HSD17B3: variants seen among roughly 807,000 people sequenced by gnomAD.
HSD17B3 encodes the protein hydroxysteroid 17-beta dehydrogenase 3.
Under a neutral mutation model 41.1 loss-of-function variants are expected in HSD17B3, and 29 were observed. That is an observed-to-expected ratio of 0.71 (90% confidence interval 0.53 to 0.96). HSD17B3 has a LOEUF of 0.96. Ranked by LOEUF, HSD17B3 falls within the 40% of genes least tolerant of loss-of-function variation. HSD17B3 has a pLI of 0.00. For missense variants in HSD17B3, 323 were observed against 374.6 expected (o/e 0.86, Z 1.14); for synonymous variants, 126 against 145.6 (o/e 0.87, Z 0.97).
chr9:96,261,590 G>C (rs1825863173), intron 2 of HSD17B3, among the ~76,000 whole-genome samples: 1 of 152,208 alleles, frequency 6.6e-6, no homozygotes, highest in African/African-American at 2.4e-5. Context: ...TGCAGGGTGG[G>C]GTGCATTCGC....
intron 2 of HSD17B3, among the ~76,000 whole-genome samples, chr9:96,275,005 A>G (rs1826394274): frequency 6.6e-6 from 1 of 152,158 alleles, no homozygotes; most frequent in Non-Finnish European, 1.5e-5. Context: ...GCAGCAAGAG[A>G]AAAGTTGGAA....
intron 2 of HSD17B3, among the ~76,000 whole-genome samples, chr9:96,297,931 T>A (rs961545602): frequency 2.0e-5 from 3 of 152,206 alleles, no homozygotes; most frequent in African/African-American, 4.8e-5. Flanking sequence ...AAATACTAAT[T>A]GTATTCTAGT....
chr9:96,286,239 G>A (rs1444295832), intron 2 of HSD17B3, among the ~76,000 whole-genome samples: 1 of 152,148 alleles, frequency 6.6e-6, no homozygotes, highest in Non-Finnish European at 1.5e-5. Flanking sequence ...AGCTACTCAG[G>A]AGGTTGAGGC....
At chr9:96,292,559 G>A (rs1476166802) in intron 2 of HSD17B3, among the ~76,000 whole-genome samples, 1 of 151,944 alleles carries the variant, frequency 6.6e-6, no homozygotes, top group Non-Finnish European at 1.5e-5. Flanking sequence ...TGTTGGCCAG[G>A]GTGGTCTTGA....
rs8190545 is a variant in HSD17B3 at position 96,250,610 on chromosome 9, G to C, written c.453+808C>G. On this transcript the variant is annotated intron_variant, in intron 5 of 10. Coordinates refer to ENST00000375263, the MANE Select transcript of HSD17B3 (RefSeq NM_000197.2). ...CTTCAAAAACTGTTAAATGCGGCCG[G>C]GCGCAGTGGTTCACGCCTGTCATCC... 1.3e-3 allele frequency: 480 copies of C among 371,774 alleles called. 1 individual carries two copies. Among genetic ancestry groups the C allele is most frequent in the African/African-American group, 9.7e-3 (448 of 46,136 alleles). The allele number at this position is 371,774 out of a possible 1,614,324, so 23.0% of individuals were successfully genotyped here. A position where few individuals can be genotyped will look rare whatever the true frequency, so the allele number is the denominator to read the frequency against.
Position 96,250,609 on chromosome 9 carries a change from G to A in HSD17B3, c.453+809C>T, listed in dbSNP as rs142420642. 17 of 368,794 alleles carry A rather than the reference G, an allele frequency of 4.6e-5. No homozygotes were observed. In the East Asian group the frequency reaches 1.0e-3, roughly 22 times the overall value. 22.8% of individuals were successfully genotyped at this position (368,794 alleles called of 1,614,324 possible). On this transcript the variant is annotated intron_variant, in intron 5 of 10. Transcript: ENST00000375263. ...CCTTCAAAAACTGTTAAATGCGGCC[G>A]GGCGCAGTGGTTCACGCCTGTCATC...
intron 2 of HSD17B3, among the ~76,000 whole-genome samples, chr9:96,256,911 T>C (rs1334219872): frequency 2.0e-5 from 3 of 151,992 alleles, no homozygotes; most frequent in Non-Finnish European, 2.9e-5. Context: ...GATTGGATCG[T>C]GGGGGCCATT....
intron 2 of HSD17B3, among the ~76,000 whole-genome samples, chr9:96,278,555 T>G (rs1826562531): frequency 6.6e-6 from 1 of 151,946 alleles, no homozygotes; most frequent in South Asian, 2.1e-4. Flanking sequence ...GCGTGGGGCT[T>G]GAGTGGGGCC....
In HSD17B3 at chr9:96,235,434, GTTGTGCTGGACTCC is replaced by G. The variant is rs1836195041; in HGVS notation, c.*12_*25del. 1.3e-6 allele frequency: 2 copies of G among 1,515,294 alleles called. No individual in the cohort carries two copies. The highest frequency in any genetic ancestry group is 4.5e-5 in the East Asian group (2 of 44,190). 93.9% of individuals were successfully genotyped at this position (1,515,294 alleles called of 1,614,324 possible). A position where few individuals can be genotyped will look rare whatever the true frequency, so the allele number is the denominator to read the frequency against. On this transcript the variant is annotated 3_prime_UTR_variant, in exon 11 of 11. Transcript: ENST00000375263. ...CCAGCATGGGACTGGTGAGGAAAAGGTTGTGCTGGACTCCTCACCGCCTGGCTACCTGACCTTGG... is the reference window on the plus strand; with the variant it reads ...CCAGCATGGGACTGGTGAGGAAAAGGTCACCGCCTGGCTACCTGACCTTGG...
chr9:96,256,220 A>C (rs556473989), intron 2 of HSD17B3: 1 of 152,378 alleles, frequency 6.6e-6, no homozygotes, highest in South Asian at 2.1e-4. Flanking sequence ...CTTAACAAAA[A>C]TGTGGAATAC....
chr9:96,237,236 A>G (rs1289971361), intron 10 of HSD17B3, among the ~76,000 whole-genome samples: 4 of 152,184 alleles, frequency 2.6e-5, no homozygotes, highest in Non-Finnish European at 5.9e-5. Context: ...GCCCCCTTTA[A>G]AAAGTCCTAA....
intron 2 of HSD17B3, among the ~76,000 whole-genome samples, chr9:96,287,957 T>C (rs910474733): frequency 7.9e-5 from 12 of 151,542 alleles, no homozygotes; most frequent in African/African-American, 2.9e-4. Context: ...CAATGGAATA[T>C]TATTCTGCAG....
intron 2 of HSD17B3, among the ~76,000 whole-genome samples, chr9:96,289,680 C>T (rs930341015): frequency 1.3e-5 from 2 of 152,202 alleles, no homozygotes; most frequent in Non-Finnish European, 2.9e-5. Context: ...TTAGAGGTTC[C>T]ATGTGAAGTG....
intron 9 of HSD17B3, among the ~76,000 whole-genome samples, chr9:96,243,755 A>C (rs889755516): frequency 6.6e-6 from 1 of 152,208 alleles, no homozygotes; most frequent in African/African-American, 2.4e-5. Flanking sequence ...AGCTCTGCCT[A>C]GGTGAGGACA....
At chr9:96,274,761 A>G (rs891802963) in intron 2 of HSD17B3, among the ~76,000 whole-genome samples, 3 of 152,182 alleles carry the variant, frequency 2.0e-5, no homozygotes, top group Non-Finnish European at 4.4e-5. Context: ...TATGGGACAT[A>G]AACAAGCAAC....
chr9:96,251,804 G>A (rs899397108), intron 4 of HSD17B3, among the ~76,000 whole-genome samples: 1 of 152,162 alleles, frequency 6.6e-6, no homozygotes, highest in African/African-American at 2.4e-5. Context: ...GAAAATATGT[G>A]TGTTTAGGAT....
chr9:96,244,478 C>T lies in HSD17B3; in HGVS notation c.607-84G>A, dbSNP rs35010891. 3.6e-4 allele frequency: 448 copies of T among 1,229,014 alleles called. 1 individual carries two copies. The African/African-American group carries it at 6.1e-3, about 17-fold the overall frequency. The allele number at this position is 1,229,014 out of a possible 1,614,324, so 76.1% of individuals were successfully genotyped here. A position where few individuals can be genotyped will look rare whatever the true frequency, so the allele number is the denominator to read the frequency against. ...CTTCCTCTGACTTCAAGGGGCACTG[C>T]AGACACACTACCTGCTAGACCTTAA... On this transcript the variant is annotated intron_variant, in intron 8 of 10. Coordinates refer to ENST00000375263, the MANE Select transcript of HSD17B3 (RefSeq NM_000197.2).
chr9:96,294,444 A>G (rs1048441748), intron 2 of HSD17B3, among the ~76,000 whole-genome samples: 17 of 152,316 alleles, frequency 1.1e-4, no homozygotes, highest in African/African-American at 4.1e-4. Context: ...CCCCAGGGCC[A>G]TTGCTTTGTG....
At chr9:96,286,147 C>A (rs924462910) in intron 2 of HSD17B3, among the ~76,000 whole-genome samples, 1 of 152,124 alleles carries the variant, frequency 6.6e-6, no homozygotes, top group African/African-American at 2.4e-5. Context: ...AGTTCAAGAC[C>A]AGCCTGGCCA....
Sources: allele counts gnomAD v4.1 joint callset (sites outside exome capture counted in the v4.1 genomes callset), GRCh38; gene constraint gnomAD v4.1.1; transcripts MANE v1.5; gene names NCBI Gene and HGNC (gene_info 2026-07-23, HGNC 2026-07-21).